FGF12: variants seen among roughly 807,000 people sequenced by gnomAD.
The protein encoded by FGF12 is fibroblast growth factor 12B.
FGF12 carries 14 observed loss-of-function variants against 23.6 expected under a neutral mutation model. That is an observed-to-expected ratio of 0.59 (90% CI 0.39 to 0.93). The LOEUF (loss-of-function observed/expected upper bound fraction) is 0.93. Ranked by LOEUF, FGF12 falls within the 40% of genes least tolerant of loss-of-function variation. FGF12 has a pLI of 0.00. For synonymous variants in FGF12, 62 were observed against 77.3 expected (o/e 0.80, Z 1.04); for missense variants, 175 against 217.8 (o/e 0.80, Z 1.24).
chr3:192,684,658 A>G (rs898025936), intron 2 of FGF12, among the ~76,000 whole-genome samples: 8 of 152,228 alleles, frequency 5.3e-5, no homozygotes. Context: ...GTGATTCAAA[A>G]TCAGGGTTTA....
intron 2 of FGF12, among the ~76,000 whole-genome samples, chr3:192,385,562 C>A (rs1363209621): frequency 6.6e-6 from 1 of 152,122 alleles, no homozygotes; most frequent in African/African-American, 2.4e-5. Context: ...GAATTCACCC[C>A]CCCCAGCTCA....
At chr3:192,712,887 G>T (rs1718741291) in intron 2 of FGF12, among the ~76,000 whole-genome samples, 1 of 152,036 alleles carries the variant, frequency 6.6e-6, no homozygotes, top group Non-Finnish European at 1.5e-5. Context: ...GCAATGCACA[G>T]AAAAAGGGTG....
At chr3:192,656,960 A>C (rs900507046) in intron 2 of FGF12, among the ~76,000 whole-genome samples, 1 of 152,174 alleles carries the variant, frequency 6.6e-6, no homozygotes, top group Non-Finnish European at 1.5e-5. Flanking sequence ...TTACTGAGGG[A>C]TAGGTATTAG....
At chr3:192,403,585 T>G (rs1446821266) in intron 2 of FGF12, among the ~76,000 whole-genome samples, 2 of 151,834 alleles carry the variant, frequency 1.3e-5, no homozygotes, top group African/African-American at 4.8e-5. Context: ...CAAATATCAT[T>G]TAATTAGGCT....
intron 2 of FGF12, among the ~76,000 whole-genome samples, chr3:192,368,380 A>T (rs772184476): frequency 9.2e-5 from 14 of 152,234 alleles, no homozygotes; most frequent in Non-Finnish European, 1.6e-4. Flanking sequence ...AAGTGCTATG[A>T]TAAAAATTAA....
At chr3:192,454,273 C>T (rs559069181) in intron 2 of FGF12, among the ~76,000 whole-genome samples, 20 of 152,200 alleles carry the variant, frequency 1.3e-4, no homozygotes, top group Admixed American at 3.3e-4. Context: ...CTCCTGACCT[C>T]GTGATCCACC....
chr3:192,170,681 C>CA (rs772561779), intron 4 of FGF12, 25 bp from the exon 5 acceptor site: 6 of 1,527,016 alleles, frequency 3.9e-6, no homozygotes, highest in African/African-American at 1.4e-5. Flanking sequence ...AAAAAAGACA[C>CA]AAAAAAGAGA....
chr3:192,658,892 T>C (rs1452184934), intron 2 of FGF12, among the ~76,000 whole-genome samples: 2 of 152,132 alleles, frequency 1.3e-5, no homozygotes, highest in Non-Finnish European at 2.9e-5. Flanking sequence ...TAATTTGATA[T>C]ATTCTAGAAA....
intron 4 of FGF12, among the ~76,000 whole-genome samples, chr3:192,258,798 G>A (rs1160834059): frequency 6.6e-6 from 1 of 152,178 alleles, no homozygotes; most frequent in Non-Finnish European, 1.5e-5. Context: ...GAGAAAGAAA[G>A]CAGTGAACGA....
intron 2 of FGF12, among the ~76,000 whole-genome samples, chr3:192,531,798 G>A (rs1309973004): frequency 1.3e-5 from 2 of 152,116 alleles, no homozygotes; most frequent in African/African-American, 2.4e-5. Context: ...CTTGAGTTGA[G>A]GAATATAAGT....
chr3:192,686,648 G>A (rs1054681636), intron 2 of FGF12, among the ~76,000 whole-genome samples: 2 of 151,880 alleles, frequency 1.3e-5, no homozygotes, highest in African/African-American at 4.8e-5. Context: ...GGAGATCACA[G>A]GTCTTAGAAA....
At chr3:192,303,806 A>C (rs991368488) in intron 4 of FGF12, among the ~76,000 whole-genome samples, 6 of 152,244 alleles carry the variant, frequency 3.9e-5, no homozygotes, top group Admixed American at 1.3e-4. Flanking sequence ...GCCTGGCCTA[A>C]CATATCTCAC....
At chr3:192,348,726 T>C (rs376876979) in intron 3 of FGF12, among the ~76,000 whole-genome samples, 2 of 152,270 alleles carry the variant, frequency 1.3e-5, no homozygotes, top group South Asian at 4.1e-4. Context: ...GGTATTAACA[T>C]TGGAACTAAA....
intron 4 of FGF12, among the ~76,000 whole-genome samples, chr3:192,188,346 G>T (rs1298473463): frequency 1.4e-4 from 21 of 152,146 alleles, no homozygotes. Context: ...CTACGCACGT[G>T]TTTTTGTGTT....
chr3:192,693,201 AT>A (rs1430077520), intron 2 of FGF12, among the ~76,000 whole-genome samples: 2 of 152,194 alleles, frequency 1.3e-5, no homozygotes, highest in Non-Finnish European at 2.9e-5. Context: ...CATTAAAAAA[AT>A]ACAATGGTTA....
intron 2 of FGF12, among the ~76,000 whole-genome samples, chr3:192,652,830 C>T (rs1560182586): frequency 6.6e-6 from 1 of 152,170 alleles, no homozygotes; most frequent in East Asian, 1.9e-4. Flanking sequence ...CCAACACACT[C>T]CTGAAATCTA....
intron 2 of FGF12, among the ~76,000 whole-genome samples, chr3:192,630,591 C>T (rs1715350798): frequency 6.9e-6 from 1 of 144,088 alleles, no homozygotes; most frequent in African/African-American, 2.6e-5. Flanking sequence ...CTTGCTCTGT[C>T]GCCCAGGCTG....
intron 4 of FGF12, among the ~76,000 whole-genome samples, chr3:192,225,572 G>A (rs1169924439): frequency 3.3e-5 from 5 of 152,010 alleles, no homozygotes; most frequent in Admixed American, 1.3e-4. Context: ...AAGTTAAACA[G>A]GTTACCACAT....
At chr3:192,667,431 C>T (rs1488228323) in intron 2 of FGF12, among the ~76,000 whole-genome samples, 1 of 151,362 alleles carries the variant, frequency 6.6e-6, no homozygotes, top group Non-Finnish European at 1.5e-5. Flanking sequence ...TGGTGAAACC[C>T]TGTCTCTACC....
Sources: gnomAD v4.1 joint callset for allele counts (sites outside exome capture counted in the v4.1 genomes callset) on GRCh38, gnomAD v4.1.1 for gene constraint, MANE v1.5 for transcripts, NCBI Gene and HGNC (gene_info 2026-07-23, HGNC 2026-07-21) for gene names.